Variants in SKAP2 observed in about 807,000 individuals in gnomAD.
The protein encoded by SKAP2 is src kinase associated phosphoprotein 2.
Under a neutral mutation model 54.9 loss-of-function variants are expected in SKAP2, and 28 were observed. That is an observed-to-expected ratio of 0.51 (90% CI 0.38 to 0.70). SKAP2 has a LOEUF of 0.70. Among genes scored for constraint, SKAP2 ranks in the 30% least tolerant of loss-of-function variants. The pLI is 0.00. For synonymous variants in SKAP2, 137 were observed against 134.3 expected, an observed-to-expected ratio of 1.02 and a Z score of -0.14; for missense variants, 356 against 424.1, an observed-to-expected ratio of 0.84 and a Z score of 1.41.
rs1393349312 is a variant in SKAP2 at position 26,669,429 on chromosome 7, C to A, written c.*237G>T. The stretch of plus-strand genomic sequence containing the variant: ...GGGTAAATAAAAACTATAATTATTT[C>A]TTTGCAAAATAGCAACAGGTATAAC... On this transcript the variant is annotated 3_prime_UTR_variant, in exon 13 of 13. Coordinates refer to ENST00000345317, the MANE Select transcript of SKAP2 (RefSeq NM_003930.5). 1 of 152,082 alleles carries A rather than the reference C, an allele frequency of 6.6e-6. No homozygotes were observed. The highest frequency in any genetic ancestry group is 1.5e-5 in the Non-Finnish European group (1 of 68,000). The allele number at this position is 152,082 out of a possible 1,614,324, so 9.4% of individuals were successfully genotyped here. A position where few individuals can be genotyped will look rare whatever the true frequency, so the allele number is the denominator to read the frequency against.
downstream of SKAP2, among the ~76,000 whole-genome samples, chr7:26,665,963 A>G (rs921994643): frequency 1.3e-5 from 2 of 151,248 alleles, no homozygotes; most frequent in African/African-American, 4.9e-5. Flanking sequence ...TATTCATCAA[A>G]TGTTTTTATT....
At chr7:26,766,800 G>C (rs2127973261) in intron 4 of SKAP2, among the ~76,000 whole-genome samples, 1 of 152,318 alleles carries the variant, frequency 6.6e-6, no homozygotes, top group Middle Eastern at 3.4e-3. Context: ...AACCAGCCTT[G>C]CATCCCAGGG....
intron 4 of SKAP2, among the ~76,000 whole-genome samples, chr7:26,779,423 A>G (rs1783379277): frequency 6.6e-6 from 1 of 152,040 alleles, no homozygotes. Context: ...CTGAAGCCTA[A>G]CAATACTCAA....
At chr7:26,766,225 T>G (rs978133581) in intron 4 of SKAP2, among the ~76,000 whole-genome samples, 4 of 152,210 alleles carry the variant, frequency 2.6e-5, no homozygotes, top group African/African-American at 9.7e-5. Context: ...TTTACTATCT[T>G]TGTAACAATT....
At chr7:26,678,523 C>G (rs1786408227) in intron 11 of SKAP2, among the ~76,000 whole-genome samples, 1 of 151,578 alleles carries the variant, frequency 6.6e-6, no homozygotes, top group East Asian at 1.9e-4. Context: ...TCACTGCAAC[C>G]TCTACTTCCC....
chr7:26,788,104 G>A (rs1289531086), intron 4 of SKAP2, among the ~76,000 whole-genome samples: 1 of 152,212 alleles, frequency 6.6e-6, no homozygotes, highest in Admixed American at 6.5e-5. Context: ...ATTAAGGAAT[G>A]TGTGGACAAA....
intron 4 of SKAP2, among the ~76,000 whole-genome samples, chr7:26,801,409 T>A (rs761530041): frequency 6.6e-6 from 1 of 152,194 alleles, no homozygotes; most frequent in African/African-American, 2.4e-5. Flanking sequence ...TCATACTGAA[T>A]GAGGAAAAAC....
At chr7:26,724,447 A>G (rs566388286) in intron 9 of SKAP2, among the ~76,000 whole-genome samples, 5 of 152,176 alleles carry the variant, frequency 3.3e-5, no homozygotes, top group Non-Finnish European at 5.9e-5. Flanking sequence ...TTTTTCTTCT[A>G]AAGTCCATAC....
chr7:26,856,262 A>T (rs565354264), intron 1 of SKAP2, among the ~76,000 whole-genome samples: 1 of 152,308 alleles, frequency 6.6e-6, no homozygotes, highest in South Asian at 2.1e-4. Flanking sequence ...ATCAAAATGA[A>T]ATGAAAGCAA....
At chr7:26,863,433 A>T (rs1266342952) in intron 1 of SKAP2, among the ~76,000 whole-genome samples, 1 of 152,214 alleles carries the variant, frequency 6.6e-6, no homozygotes, top group Non-Finnish European at 1.5e-5. Context: ...TACACAAGAC[A>T]AAATAAATGA....
intron 4 of SKAP2, among the ~76,000 whole-genome samples, chr7:26,787,416 G>A (rs112439431): frequency 0.17 from 26,167 of 151,658 alleles, 2,815 homozygotes; most frequent in Non-Finnish European, 0.24. Flanking sequence ...TCTGCCTCCT[G>A]GGCTCAAGCA....
At chr7:26,685,264 C>G (rs1786606576) in intron 10 of SKAP2, among the ~76,000 whole-genome samples, 1 of 151,940 alleles carries the variant, frequency 6.6e-6, no homozygotes, top group Admixed American at 6.6e-5. Context: ...AACCATCTCA[C>G]AGAATTTGGG....
chr7:26,789,763 T>C lies in SKAP2; in HGVS notation c.308-49799A>G, dbSNP rs376187225. 1.3e-4 allele frequency among the ~76,000 whole-genome samples: 20 copies of C among 152,304 alleles called. No individual in the cohort carries two copies. The East Asian group carries it at 3.5e-3, about 26-fold the overall frequency. On this transcript the variant is annotated intron_variant, in intron 4 of 12. Coordinates refer to ENST00000345317, the MANE Select transcript of SKAP2 (RefSeq NM_003930.5). ...CCGCACTAATTATTTCAATGGGGAA[T>C]AATTTTGTACAGTCAAAGTTGACTC... is the stretch of plus-strand genomic sequence containing the variant.
At chr7:26,658,616 T>C in the SKAP2 span, among the ~76,000 whole-genome samples, 1 of 152,184 alleles carries the variant, frequency 6.6e-6, no homozygotes, top group Non-Finnish European at 1.5e-5. Flanking sequence ...TTTATCCTAC[T>C]GAATTTCACT....
intron 4 of SKAP2, among the ~76,000 whole-genome samples, chr7:26,754,159 T>G (rs1401362762): frequency 6.6e-6 from 1 of 151,790 alleles, no homozygotes; most frequent in East Asian, 1.9e-4. Context: ...AGGTCAAGAG[T>G]TTGAGACCAA....
chr7:26,812,410 T>A (rs1349644933), intron 4 of SKAP2, among the ~76,000 whole-genome samples: 1 of 152,164 alleles, frequency 6.6e-6, no homozygotes. Context: ...ACCAGTGCAC[T>A]TTTCTGTTGT....
chr7:26,711,023 T>C (rs955824360), intron 9 of SKAP2, among the ~76,000 whole-genome samples: 1 of 152,154 alleles, frequency 6.6e-6, no homozygotes, highest in African/African-American at 2.4e-5. Flanking sequence ...CCAATAAATA[T>C]AGAGAATTTC....
intron 4 of SKAP2, among the ~76,000 whole-genome samples, chr7:26,836,095 T>G (rs187327210): frequency 6.4e-4 from 97 of 152,136 alleles, no homozygotes; most frequent in African/African-American, 2.2e-3. Context: ...AATGGGGAAA[T>G]GATTCCCTAT....
At chr7:26,758,632 A>G (rs1180474302) in intron 4 of SKAP2, among the ~76,000 whole-genome samples, 1 of 152,178 alleles carries the variant, frequency 6.6e-6, no homozygotes, top group Non-Finnish European at 1.5e-5. Flanking sequence ...TTTAAGATAC[A>G]ACTCAACTCA....
Sources: gnomAD v4.1 joint callset for allele counts (sites outside exome capture counted in the v4.1 genomes callset) on GRCh38, gnomAD v4.1.1 for gene constraint, MANE v1.5 for transcripts, NCBI Gene and HGNC (gene_info 2026-07-23, HGNC 2026-07-21) for gene names.